CCSER1: variants seen among roughly 807,000 people sequenced by gnomAD.
CCSER1 encodes coiled-coil serine rich protein 1.
In CCSER1, 41 loss-of-function variants were observed where a neutral mutation model predicts 82.0. That is an observed-to-expected ratio of 0.50 (90% CI 0.39 to 0.65). The LOEUF is 0.65. CCSER1 is among the 30% of genes least tolerant of loss of function. The pLI is 0.00. For missense variants in CCSER1, 1,119 were observed against 1,064.2 expected, an observed-to-expected ratio of 1.05 and a Z score of -0.72; for synonymous variants, 414 against 383.9, an observed-to-expected ratio of 1.08 and a Z score of -0.92.
rs200137337 is a variant in CCSER1 at position 90,309,498 on chromosome 4, A to T, written c.1214A>T (p.Glu405Val). 6.2e-7 allele frequency: 1 copy of T among 1,613,822 alleles called. No individual in the cohort carries two copies. Among genetic ancestry groups the T allele is most frequent in the East Asian group, 2.2e-5 (1 of 44,854 alleles). The change falls in exon 2 of 11, where the codon GAA becomes GTA. Residue 405 changes from glutamate to valine, a missense_variant. Coordinates refer to ENST00000509176, the MANE Select transcript of CCSER1 (RefSeq NM_001145065.2). ...TATGAGCAACATAAAGCAATAGCGG[A>T]ACATGTAAAAGGGATCCATCCTATT... Reference protein sequence around the residue: ...GFYEQHKAIAEHVKGIHPISD... With the variant: ...GFYEQHKAIAVHVKGIHPISD...
At chr4:90,177,714 T>C (rs1042268794) in intron 1 of CCSER1, among the ~76,000 whole-genome samples, 2 of 152,122 alleles carry the variant, frequency 1.3e-5, no homozygotes, top group African/African-American at 4.8e-5. Flanking sequence ...CTGCTTTTCT[T>C]CACAAGACTA....
At chr4:90,993,264 G>C (rs7692162) in intron 9 of CCSER1, among the ~76,000 whole-genome samples, 11,778 of 151,668 alleles carry the variant, frequency 0.078, 645 homozygotes, top group East Asian at 0.2. Flanking sequence ...TTTTACCATT[G>C]TGAATAATGA....
At chr4:90,847,980 A>T (rs1350200068) in intron 8 of CCSER1, among the ~76,000 whole-genome samples, 3 of 152,168 alleles carry the variant, frequency 2.0e-5, no homozygotes, top group Non-Finnish European at 4.4e-5. Context: ...CAAACTTAGT[A>T]TGTGGTAGTC....
intron 9 of CCSER1, among the ~76,000 whole-genome samples, chr4:91,085,342 C>G (rs974787016): frequency 2.0e-5 from 3 of 152,036 alleles, no homozygotes; most frequent in Non-Finnish European, 4.4e-5. Flanking sequence ...TTTGCCATTA[C>G]TTTTAATGAC....
At chr4:90,640,424 A>G (rs1726284619) in intron 6 of CCSER1, among the ~76,000 whole-genome samples, 1 of 152,206 alleles carries the variant, frequency 6.6e-6, no homozygotes, top group African/African-American at 2.4e-5. Flanking sequence ...ATGATAAACA[A>G]AAATTCATTT....
At chr4:91,393,151 G>A (rs1467254759) in intron 10 of CCSER1, among the ~76,000 whole-genome samples, 3 of 151,762 alleles carry the variant, frequency 2.0e-5, no homozygotes, top group African/African-American at 7.3e-5. Flanking sequence ...CACATTAAAG[G>A]AAACTAACTC....
intron 5 of CCSER1, among the ~76,000 whole-genome samples, chr4:90,516,670 C>A (rs1772323793): frequency 6.6e-6 from 1 of 152,228 alleles, no homozygotes; most frequent in African/African-American, 2.4e-5. Flanking sequence ...TGAGAGCCCA[C>A]TGATTAACCC....
chr4:90,717,771 G>GTA (rs1165238745), intron 6 of CCSER1, among the ~76,000 whole-genome samples: 1 of 147,366 alleles, frequency 6.8e-6, no homozygotes, highest in South Asian at 2.1e-4. Flanking sequence ...CATATATAGT[G>GTA]TATATATATG....
At chr4:90,340,249 C>G (rs1164618754) in intron 3 of CCSER1, among the ~76,000 whole-genome samples, 1 of 152,080 alleles carries the variant, frequency 6.6e-6, no homozygotes, top group African/African-American at 2.4e-5. Context: ...ATTATTTTTA[C>G]CTTAGAATAC....
At chr4:91,573,455 C>A (rs550882196) in intron 10 of CCSER1, among the ~76,000 whole-genome samples, 1 of 152,322 alleles carries the variant, frequency 6.6e-6, no homozygotes, top group African/African-American at 2.4e-5. Context: ...AGGGTCTCCA[C>A]GCATGCCTGA....
At chr4:90,544,295 A>C (rs1304616380) in intron 5 of CCSER1, among the ~76,000 whole-genome samples, 2 of 152,166 alleles carry the variant, frequency 1.3e-5, no homozygotes, top group Non-Finnish European at 2.9e-5. Context: ...AACCACCTTA[A>C]GTATTTATAA....
chr4:91,434,617 T>G (rs1754535699), intron 10 of CCSER1, among the ~76,000 whole-genome samples: 1 of 152,226 alleles, frequency 6.6e-6, no homozygotes, highest in Admixed American at 6.5e-5. Flanking sequence ...TATCCACAGC[T>G]TTCCATAACT....
intron 5 of CCSER1, 49 bp from the exon 6 acceptor site, chr4:90,627,976 T>C (rs779120257): frequency 6.9e-7 from 1 of 1,442,058 alleles, no homozygotes; most frequent in Non-Finnish European, 9.8e-7. Context: ...GAAATACTGC[T>C]CTAAGCATGC....
At chr4:91,462,947 C>G (rs931855056) in intron 10 of CCSER1, among the ~76,000 whole-genome samples, 1 of 152,148 alleles carries the variant, frequency 6.6e-6, no homozygotes, top group East Asian at 1.9e-4. Context: ...CATAGCCGAA[C>G]AAAAAGCAGC....
chr4:90,924,476 A>G (rs1458552544), intron 9 of CCSER1, among the ~76,000 whole-genome samples: 1 of 152,152 alleles, frequency 6.6e-6, no homozygotes, highest in Non-Finnish European at 1.5e-5. Context: ...ACACTAAAAA[A>G]TATGAATTAA....
intron 10 of CCSER1, among the ~76,000 whole-genome samples, chr4:91,450,549 C>A (rs760590511): frequency 6.6e-6 from 1 of 152,016 alleles, no homozygotes; most frequent in African/African-American, 2.4e-5. Context: ...ACGAGATGGG[C>A]CCTACAATTG....
intron 5 of CCSER1, among the ~76,000 whole-genome samples, chr4:90,561,512 A>G (rs536387903): frequency 1.3e-5 from 2 of 152,238 alleles, no homozygotes; most frequent in Non-Finnish European, 2.9e-5. Flanking sequence ...GTTCCAATAG[A>G]TATCAATCAT....
intron 5 of CCSER1, among the ~76,000 whole-genome samples, chr4:90,530,443 A>G (rs1434963437): frequency 6.6e-6 from 1 of 152,156 alleles, no homozygotes; most frequent in African/African-American, 2.4e-5. Flanking sequence ...AGATTGTTGC[A>G]AGGGAAAAAG....
chr4:91,493,961 T>C (rs1053377930), intron 10 of CCSER1, among the ~76,000 whole-genome samples: 1 of 151,878 alleles, frequency 6.6e-6, no homozygotes. Flanking sequence ...GATGATACTA[T>C]GGTCTGAATA....
Sources: gnomAD v4.1 joint callset for allele counts (sites outside exome capture counted in the v4.1 genomes callset) on GRCh38, gnomAD v4.1.1 for gene constraint, MANE v1.5 for transcripts, NCBI Gene and HGNC (gene_info 2026-07-23, HGNC 2026-07-21) for gene names.